Variants in RAVER1 observed in about 807,000 individuals in gnomAD.
The protein encoded by RAVER1 is ribonucleoprotein PTB-binding 1.
In RAVER1, 36 loss-of-function variants were observed where a neutral mutation model predicts 68.4. The observed-to-expected ratio is 0.53, with a 90% CI of 0.40 to 0.70. The LOEUF (loss-of-function observed/expected upper bound fraction) is 0.70, where lower values mean the gene tolerates loss of function less well. Ranked by LOEUF, RAVER1 falls within the 30% of genes least tolerant of loss-of-function variation. The pLI is 0.00. For missense variants in RAVER1, 933 were observed against 1,019.8 expected, an observed-to-expected ratio of 0.91 and a Z score of 1.16; for synonymous variants, 469 against 472.7, an observed-to-expected ratio of 0.99 and a Z score of 0.10.
chr19:10,323,308 G>A lies in RAVER1; in HGVS notation c.949-34C>T, dbSNP rs540920505. 1.3e-4 allele frequency: 203 copies of A among 1,611,966 alleles called. 1 individual carries two copies. Among genetic ancestry groups the A allele is most frequent in the Non-Finnish European group, 1.6e-4 (193 of 1,179,194 alleles). On this transcript the variant is annotated intron_variant, in intron 4 of 12. Coordinates refer to ENST00000617231, the MANE Select transcript of RAVER1 (RefSeq NM_133452.3). This position sits in a 1 kb window ranked among gnomAD's most constrained non-coding sequence, Gnocchi z 6.2. ...AGGAACAGAAGCAGCTCAGAGTGCC[G>A]CTGGGGCCCTGACATCCCCATGGGG... is the stretch of plus-strand genomic sequence containing the variant.
At chr19:10,321,673 G>T in intron 6 of RAVER1, 55 bp from the exon 7 acceptor site, 1 of 1,331,020 alleles carries the variant, frequency 7.5e-7, no homozygotes, top group South Asian at 2.3e-5. Context: ...CAGGGAAGCA[G>T]ACAGGTGTGG....
Position 10,317,266 on chromosome 19 carries a change from A to G in RAVER1, c.*188T>C. The G allele has an allele frequency of 1.5e-6, 1 of 660,610 alleles. No individual in the cohort carries two copies. Among genetic ancestry groups the G allele is most frequent in the East Asian group, 2.8e-5 (1 of 36,294 alleles). The allele number at this position is 660,610 out of a possible 1,614,324, so 40.9% of individuals were successfully genotyped here. A position where few individuals can be genotyped will look rare whatever the true frequency, so the allele number is the denominator to read the frequency against. On this transcript the variant is annotated 3_prime_UTR_variant, in exon 13 of 13. Transcript: ENST00000617231. This position sits in a 1 kb window ranked among gnomAD's most constrained non-coding sequence, Gnocchi z 4.3. ...GCGTGGGGAGCAAGCCAGAGACATA[A>G]TGAGGCCTCCAGACTCCCCCACACC... is the stretch of plus-strand genomic sequence containing the variant.
chr19:10,330,501 T>C lies in RAVER1; in HGVS notation c.245A>G (p.Tyr82Cys), dbSNP rs2040506863. 2 of 1,481,600 alleles carry C rather than the reference T, an allele frequency of 1.3e-6. No homozygotes were observed. Among genetic ancestry groups the C allele is most frequent in the Non-Finnish European group, 1.9e-6 (2 of 1,074,346 alleles). 91.8% of individuals were successfully genotyped at this position (1,481,600 alleles called of 1,614,324 possible). Residue 82 changes from tyrosine (Y) to cysteine (C), a missense_variant, in exon 2 of 13, where the codon TAT becomes TGT. This residue lies in a region of RAVER1 where 211 missense variants were observed against 230.0 expected (regional missense o/e 0.92). Transcript: ENST00000617231. ...GTCCACAAAACAGTATTTGAGCTCA[T>C]AGTCACTGAGCAGGTCATGTACTTC... ...NQEVHDLLSD[Y>C]ELKYCFVDKY...
rs867897579 is a variant in RAVER1, at chr19:10,324,171, A to G, written c.757-605T>C. ...CTCCATCTCAAAAAAAAAAAAAAAAAAGAGATAATCAGCAACGGGTGGGGA... is the reference window on the plus strand; with the variant it reads ...CTCCATCTCAAAAAAAAAAAAAAAAGAGAGATAATCAGCAACGGGTGGGGA... On this transcript the variant is annotated intron_variant, in intron 3 of 12. Transcript: ENST00000617231. 4.7e-3 allele frequency among the ~76,000 whole-genome samples: 706 copies of G among 150,980 alleles called. 5 individuals carry two copies. The highest frequency in any genetic ancestry group is 0.016 in the African/African-American group (671 of 41,334).
chr19:10,319,930 G>A (rs2040423418), intron 9 of RAVER1, among the ~76,000 whole-genome samples: 3 of 151,942 alleles, frequency 2.0e-5, no homozygotes, highest in South Asian at 2.1e-4. Flanking sequence ...ATGAGCCACC[G>A]TGCCTGGCCC....
chr19:10,330,483 A>G lies in RAVER1; in HGVS notation c.263T>C (p.Phe88Ser). The change falls in exon 2 of 13, where the codon TTT becomes TCT. Residue 88 changes from phenylalanine to serine, a missense_variant. By Grantham distance (155) the Phe-to-Ser change is radical. Transcript: ENST00000617231. The stretch of plus-strand genomic sequence containing the variant: ...ACCTGTCCCTTTGTATTTGTCCACA[A>G]AACAGTATTTGAGCTCATAGTCACT... The part of the protein sequence containing the change: ...LLSDYELKYC[F>S]VDKYKGTAFV... The G allele has an allele frequency of 6.5e-7, 1 of 1,542,546 alleles. No homozygotes were observed. The highest frequency in any genetic ancestry group is 8.9e-7 in the Non-Finnish European group (1 of 1,128,724).
rs971290283 is a variant in RAVER1, at chr19:10,323,915, G to A, written c.757-349C>T. Among the ~76,000 whole-genome samples, 5 of 152,242 alleles carry A rather than the reference G, an allele frequency of 3.3e-5. No individual in the cohort carries two copies. Among genetic ancestry groups the A allele is most frequent in the East Asian group, 1.9e-4 (1 of 5,172 alleles). ...TGTAATCCCAGCACTTTGGGAGGCC[G>A]AGGCGGGCAGATAACCTGAGGTCGG... On this transcript the variant is annotated intron_variant, in intron 3 of 12. Coordinates refer to ENST00000617231, the MANE Select transcript of RAVER1 (RefSeq NM_133452.3). The surrounding 1 kb of genome is among the most constrained non-coding windows in gnomAD (Gnocchi z 6.2).
Position 10,317,360 on chromosome 19 carries a change from AG to A in RAVER1, c.*93del. 7.4e-7 allele frequency: 1 copy of A among 1,347,468 alleles called. No homozygotes were observed. The highest frequency in any genetic ancestry group is 2.3e-5 in the East Asian group (1 of 43,710). The allele number at this position is 1,347,468 out of a possible 1,614,324, so 83.5% of individuals were successfully genotyped here. A position where few individuals can be genotyped will look rare whatever the true frequency, so the allele number is the denominator to read the frequency against. On this transcript the variant is annotated 3_prime_UTR_variant, in exon 13 of 13. Coordinates refer to ENST00000617231, the MANE Select transcript of RAVER1 (RefSeq NM_133452.3). The surrounding 1 kb of genome is among the most constrained non-coding windows in gnomAD (Gnocchi z 4.3). ...TCAGAGATTTTTCTATTACCGAAAGAGAGAAAATGGTTTAAAAAAAACACAA... is the reference window on the plus strand; with the variant it reads ...TCAGAGATTTTTCTATTACCGAAAGAAGAAAATGGTTTAAAAAAAACACAA...
In RAVER1 at chr19:10,328,851, T is replaced by C; in HGVS notation, c.547A>G (p.Lys183Glu). 1 of 1,613,342 alleles carries C rather than the reference T, an allele frequency of 6.2e-7. No homozygotes were observed. The highest frequency in any genetic ancestry group is 8.5e-7 in the Non-Finnish European group (1 of 1,179,840). Residue 183 changes from lysine to glutamate, a missense_variant, in exon 3 of 13, where the codon AAG (lysine) becomes GAG (glutamate). By Grantham distance (56) the Lys-to-Glu change is moderately conservative. Coordinates refer to ENST00000617231, the MANE Select transcript of RAVER1 (RefSeq NM_133452.3). The surrounding 1 kb of genome is among the most constrained non-coding windows in gnomAD (Gnocchi z 4.4). ...GACTTGGCACGGGCAGCCGAGTCCT[T>C]CTTCATGTACTCAGCAAAGCCATAG... Reference protein sequence around the residue: ...KGYGFAEYMKKDSAARAKSDL... With the variant: ...KGYGFAEYMKEDSAARAKSDL...
chr19:10,330,244 A>G (rs543023472), intron 2 of RAVER1, among the ~76,000 whole-genome samples: 1 of 152,212 alleles, frequency 6.6e-6, no homozygotes, highest in Non-Finnish European at 1.5e-5. Context: ...AAGCGAGTGG[A>G]GTAGGAAGAG....
At position 10,323,652 on chromosome 19, in the gene RAVER1, C is replaced by T. The variant is rs1312748551; in HGVS notation, c.757-86G>A. ...AAGTGACAACCGTAACCAGACTCAG[C>T]TGCCCCATAAGGGTGAACTCCACGC... On this transcript the variant is annotated intron_variant, in intron 3 of 12. Transcript: ENST00000617231. The surrounding 1 kb of genome is among the most constrained non-coding windows in gnomAD (Gnocchi z 6.2). The T allele has an allele frequency of 4.2e-6, 6 of 1,425,860 alleles. No individual in the cohort carries two copies. Among genetic ancestry groups the T allele is most frequent in the Non-Finnish European group, 5.6e-6 (6 of 1,063,294 alleles). The allele number at this position is 1,425,860 out of a possible 1,614,324, so 88.3% of individuals were successfully genotyped here. A position where few individuals can be genotyped will look rare whatever the true frequency, so the allele number is the denominator to read the frequency against.
In RAVER1 at chr19:10,318,243, T is replaced by C. The variant is rs1439605362; in HGVS notation, c.1975A>G (p.Ser659Gly). The C allele has an allele frequency of 6.2e-7, 1 of 1,605,690 alleles. No homozygotes were observed. The highest frequency in any genetic ancestry group is 8.5e-7 in the Non-Finnish European group (1 of 1,176,850). Residue 659 changes from serine (S) to glycine (G), a missense_variant, in exon 11 of 13, where the codon AGC becomes GGC. Ser to Gly is a moderately conservative substitution (Grantham distance 56). Transcript: ENST00000617231. ...AGGTTCCTCACCTTACTGAGGTGGC[T>C]CTGCTTGAGGCCAGCCTGCAGGCCG... is the stretch of plus-strand genomic sequence containing the variant. ...TSGLQAGLKQ[S>G]HLSKAIGSSP...
chr19:10,325,792 CAA>C (rs767011564), intron 3 of RAVER1, among the ~76,000 whole-genome samples: 4 of 132,976 alleles, frequency 3.0e-5, no homozygotes, highest in Non-Finnish European at 3.3e-5. Context: ...GAACCTGTCT[CAA>C]AAAAAAAAAA....
chr19:10,317,766 C>T lies in RAVER1; in HGVS notation c.1997G>A (p.Gly666Asp). ...LKQSHLSKAI[G>D]SSPLGSGEGL... ...TTCTCCGGACCCCAGCGGGGAAGAGCCGATTGCCTGGGAGAAATGGAGAGG... is the reference window on the plus strand; with the variant it reads ...TTCTCCGGACCCCAGCGGGGAAGAGTCGATTGCCTGGGAGAAATGGAGAGG... The change falls in exon 12 of 13, where the codon GGC becomes GAC. Residue 666 changes from glycine to aspartate, a missense_variant. Coordinates refer to ENST00000617231, the MANE Select transcript of RAVER1 (RefSeq NM_133452.3). The surrounding 1 kb of genome is among the most constrained non-coding windows in gnomAD (Gnocchi z 4.3). The T allele has an allele frequency of 6.3e-7, 1 of 1,582,470 alleles. No individual in the cohort carries two copies. Among genetic ancestry groups the T allele is most frequent in the Non-Finnish European group, 8.6e-7 (1 of 1,162,622 alleles).
intron 9 of RAVER1, among the ~76,000 whole-genome samples, chr19:10,319,460 A>C (rs565301833): frequency 6.6e-6 from 1 of 152,364 alleles, no homozygotes; most frequent in South Asian, 2.1e-4. Flanking sequence ...GCAAGCTGGG[A>C]ATTCGAGCTG....
In RAVER1 at chr19:10,328,637, C is replaced by T. The variant is rs1020935621; in HGVS notation, c.756+5G>A. ...CTGCTCCCCAATGCTCTCCACAGGG[C>T]TCACCTGGCAGAAGGTGGGGCTGTG... On this transcript the variant is annotated splice_donor_5th_base_variant and intron_variant, in intron 3 of 12. Coordinates refer to ENST00000617231, the MANE Select transcript of RAVER1 (RefSeq NM_133452.3). This position sits in a 1 kb window ranked among gnomAD's most constrained non-coding sequence, Gnocchi z 4.4. The T allele has an allele frequency of 6.5e-7, 1 of 1,547,640 alleles. No homozygotes were observed. Among genetic ancestry groups the T allele is most frequent in the Non-Finnish European group, 8.7e-7 (1 of 1,144,118 alleles).
chr19:10,327,081 T>C (rs1238227763), intron 3 of RAVER1, among the ~76,000 whole-genome samples: 1 of 151,986 alleles, frequency 6.6e-6, no homozygotes, highest in Non-Finnish European at 1.5e-5. Context: ...GTTTCTTGTT[T>C]TAAATATAGA....
Position 10,321,147 on chromosome 19 carries a change from T to C in RAVER1, c.1374A>G (p.Pro458=). The change falls in exon 8 of 13, where the codon CCA becomes CCG. Residue 458 remains proline, a synonymous_variant. Transcript: ENST00000617231. ...CGGGGGGAGGAGTGAGCTGGGCCGCTGGGGGACCCAAGCCCAGGGCCTCCC... is the reference window on the plus strand; with the variant it reads ...CGGGGGGAGGAGTGAGCTGGGCCGCCGGGGGACCCAAGCCCAGGGCCTCCC... ...GDREALGLGP[P]AAQLTPPPAP... 1.6e-6 allele frequency: 2 copies of C among 1,286,116 alleles called. No individual in the cohort carries two copies. Among genetic ancestry groups the C allele is most frequent in the Non-Finnish European group, 2.0e-6 (2 of 1,014,478 alleles). The allele number at this position is 1,286,116 out of a possible 1,614,324, so 79.7% of individuals were successfully genotyped here.
chr19:10,319,729 T>C (rs928902288), intron 9 of RAVER1, among the ~76,000 whole-genome samples: 2 of 151,196 alleles, frequency 1.3e-5, no homozygotes, highest in African/African-American at 2.4e-5. Context: ...ATTACAGGCA[T>C]GTCTACCACA....
Sources: allele counts gnomAD v4.1 joint callset (sites outside exome capture counted in the v4.1 genomes callset), GRCh38; gene constraint gnomAD v4.1.1; regional missense constraint gnomAD v4.1.1; non-coding constraint Gnocchi (gnomAD v3.1); transcripts MANE v1.5; gene names NCBI Gene and HGNC (gene_info 2026-07-23, HGNC 2026-07-21).